Variants in ADGRV1 observed in about 807,000 individuals in gnomAD.
The protein encoded by ADGRV1 is adhesion G protein-coupled receptor V1, also known as G-protein coupled receptor 98.
In ADGRV1, 359 loss-of-function variants were observed where a neutral mutation model predicts 596.2. The observed-to-expected ratio is 0.60, with a 90% CI of 0.55 to 0.66. The LOEUF (loss-of-function observed/expected upper bound fraction) is 0.66, where lower values mean the gene tolerates loss of function less well. Ranked by LOEUF, ADGRV1 falls within the 30% of genes least tolerant of loss-of-function variation. ADGRV1 has a pLI of 0.00. For missense variants in ADGRV1, 7,274 were observed against 7,575.6 expected (o/e 0.96, Z 1.48); for synonymous variants, 2,681 against 2,679.2 (o/e 1.00, Z -0.02).
intron 49 of ADGRV1, among the ~76,000 whole-genome samples, chr5:90,729,364 A>G (rs1016663103): frequency 2.0e-5 from 3 of 152,160 alleles, no homozygotes; most frequent in Non-Finnish European, 4.4e-5. Flanking sequence ...TAGAACTTTC[A>G]TGGGTAAAAT....
At chr5:90,809,283 C>G (rs1031348141) in intron 73 of ADGRV1, among the ~76,000 whole-genome samples, 11 of 131,458 alleles carry the variant, frequency 8.4e-5, no homozygotes, top group Non-Finnish European at 1.5e-4. Context: ...TACTCTAGGC[C>G]GGGCATAAAT....
At chr5:91,036,598 C>T (rs1263789663) in intron 85 of ADGRV1, among the ~76,000 whole-genome samples, 2 of 150,144 alleles carry the variant, frequency 1.3e-5, no homozygotes, top group South Asian at 2.1e-4. Flanking sequence ...TGCGGGTGAG[C>T]GCCTGTAGTC....
intron 86 of ADGRV1, among the ~76,000 whole-genome samples, chr5:91,084,045 C>T (rs753631375): frequency 3.9e-5 from 6 of 152,152 alleles, no homozygotes; most frequent in East Asian, 3.9e-4. Flanking sequence ...ATGATCTTCT[C>T]TCTTCCCAGG....
At chr5:91,062,268 A>G (rs1354871511) in intron 85 of ADGRV1, among the ~76,000 whole-genome samples, 2 of 152,208 alleles carry the variant, frequency 1.3e-5, no homozygotes, top group Non-Finnish European at 2.9e-5. Context: ...GTGTCCACCA[A>G]TAATGTGCAA....
chr5:90,844,283 T>A (rs1236620650), intron 78 of ADGRV1, among the ~76,000 whole-genome samples: 1 of 152,240 alleles, frequency 6.6e-6, no homozygotes, highest in African/African-American at 2.4e-5. Context: ...TTTACATTTT[T>A]AAATTTTATT....
chr5:90,794,360 G>C (rs960164896), intron 70 of ADGRV1, among the ~76,000 whole-genome samples: 3 of 152,084 alleles, frequency 2.0e-5, no homozygotes. Context: ...TTTTTTATGA[G>C]GCACAGACTG....
intron 29 of ADGRV1, among the ~76,000 whole-genome samples, chr5:90,687,143 T>G (rs562603182): frequency 1.3e-5 from 2 of 152,326 alleles, no homozygotes; most frequent in South Asian, 4.1e-4. Flanking sequence ...TGCGAAAATT[T>G]TCTCACATTT....
At chr5:90,828,877 T>A in intron 76 of ADGRV1, 67 bp from the exon 77 acceptor site, 1 of 994,306 alleles carries the variant, frequency 1.0e-6, no homozygotes, top group Non-Finnish European at 1.4e-6. Flanking sequence ...TATTTAAATA[T>A]CAGAACTATC....
chr5:91,066,947 T>C (rs558308421), intron 85 of ADGRV1, among the ~76,000 whole-genome samples: 2 of 152,168 alleles, frequency 1.3e-5, no homozygotes, highest in Admixed American at 6.5e-5. Flanking sequence ...TGGCCCAACA[T>C]TGACCAAGTG....
intron 49 of ADGRV1, 124 bp from the exon 50 acceptor site, chr5:90,729,518 T>G: frequency 1.4e-6 from 1 of 730,498 alleles, no homozygotes; most frequent in Non-Finnish European, 2.2e-6. Context: ...TGTATTTTTA[T>G]TGGACTAAAT....
Position 90,558,860 on chromosome 5 carries a change from T to A in ADGRV1, c.-36T>A. On this transcript the variant is annotated 5_prime_UTR_variant, in exon 1 of 90. Coordinates refer to ENST00000405460, the MANE Select transcript of ADGRV1 (RefSeq NM_032119.4). ...GGGAGTCAGAGGCAGAGCGAGGGTGTGTGGAGGGCCGGCGGGGACCGCCGG... is the reference window on the plus strand; with the variant it reads ...GGGAGTCAGAGGCAGAGCGAGGGTGAGTGGAGGGCCGGCGGGGACCGCCGG... 1 of 1,558,684 alleles carries A rather than the reference T, an allele frequency of 6.4e-7. No individual in the cohort carries two copies. The highest frequency in any genetic ancestry group is 8.7e-7 in the Non-Finnish European group (1 of 1,150,182).
intron 50 of ADGRV1, among the ~76,000 whole-genome samples, chr5:90,743,740 G>A (rs1414229940): frequency 6.6e-6 from 1 of 151,906 alleles, no homozygotes; most frequent in Non-Finnish European, 1.5e-5. Context: ...CAAAGTGCTG[G>A]GATTACAGGC....
At chr5:90,795,772 C>G (rs1475044250) in intron 70 of ADGRV1, among the ~76,000 whole-genome samples, 3 of 152,168 alleles carry the variant, frequency 2.0e-5, no homozygotes, top group Non-Finnish European at 4.4e-5. Flanking sequence ...TGGCAGGTGC[C>G]CCGCTGGGTC....
chr5:90,818,652 T>A (rs1458823828), intron 75 of ADGRV1, among the ~76,000 whole-genome samples: 1 of 150,752 alleles, frequency 6.6e-6, no homozygotes, highest in Non-Finnish European at 1.5e-5. Flanking sequence ...CAAAGGCTTT[T>A]TCTGCATCTA....
At chr5:90,782,652 T>A (rs1234406796) in intron 65 of ADGRV1, among the ~76,000 whole-genome samples, 3 of 152,150 alleles carry the variant, frequency 2.0e-5, no homozygotes, top group Non-Finnish European at 4.4e-5. Context: ...GTAATCAAAT[T>A]GTACTTGTAT....
intron 50 of ADGRV1, among the ~76,000 whole-genome samples, chr5:90,740,448 C>T (rs1183014749): frequency 6.6e-6 from 1 of 152,202 alleles, no homozygotes; most frequent in Non-Finnish European, 1.5e-5. Flanking sequence ...AGATAATTAT[C>T]AACATGCCGC....
chr5:90,738,781 G>T (rs1753580694), intron 50 of ADGRV1, among the ~76,000 whole-genome samples: 1 of 152,084 alleles, frequency 6.6e-6, no homozygotes, highest in Non-Finnish European at 1.5e-5. Context: ...ACTCTTCATT[G>T]AGTTGAATTT....
At chr5:91,029,220 A>T (rs1301540256) in intron 85 of ADGRV1, among the ~76,000 whole-genome samples, 3 of 152,204 alleles carry the variant, frequency 2.0e-5, no homozygotes, top group South Asian at 2.1e-4. Flanking sequence ...TCAAAAAAAA[A>T]TTAATTTATG....
intron 56 of ADGRV1, 124 bp downstream of exon 56, chr5:90,756,754 T>C: frequency 1.1e-6 from 1 of 869,920 alleles, no homozygotes; most frequent in Non-Finnish European, 1.7e-6. Context: ...ATTTGTCTTA[T>C]AAACTAATTC....
Sources: allele counts gnomAD v4.1 joint callset (sites outside exome capture counted in the v4.1 genomes callset), GRCh38; gene constraint gnomAD v4.1.1; transcripts MANE v1.5; gene names NCBI Gene and HGNC (gene_info 2026-07-23, HGNC 2026-07-21).